PNCK: variants seen among roughly 807,000 people sequenced by gnomAD.
PNCK encodes pregnancy up-regulated nonubiquitous CaM kinase, also known as calcium/calmodulin-dependent protein kinase type 1B.
A neutral mutation model predicts 28.3 loss-of-function variants in PNCK; 21 were observed. The ratio of observed to expected loss-of-function variants is 0.74; its 90% confidence interval spans 0.53 to 1.07. PNCK has a LOEUF of 1.07. PNCK is among the 50% of genes least tolerant of loss of function. PNCK has a pLI of 0.00. For missense variants in PNCK, 250 were observed against 298.3 expected, an observed-to-expected ratio of 0.84 and a Z score of 1.19; for synonymous variants, 136 against 125.2, an observed-to-expected ratio of 1.09 and a Z score of -0.58.
At chrX:153,672,239 A>G (rs2091312741) in intron 3 of PNCK, 39 bp from the exon 4 acceptor site, 2 of 1,155,320 alleles carry the variant, frequency 1.7e-6, no homozygotes, top group Non-Finnish European at 2.3e-6. Flanking sequence ...CAACAGAGTC[A>G]AGGGGTGCTC....
At chrX:153,686,717 T>G (rs1465401026) in intron 1 of PNCK, 1 of 111,743 alleles carries the variant, frequency 8.9e-6, no homozygotes, top group Non-Finnish European at 1.9e-5. Context: ...AGTGTGACCT[T>G]GCCACCTCAG....
chrX:153,674,239 C>T (rs907744513), upstream of PNCK: 11 of 1,150,345 alleles, frequency 9.6e-6, no homozygotes, highest in Non-Finnish European at 1.3e-5. Context: ...CCGGCACTCA[C>T]TGGGCTCCCT....
chrX:153,673,995 G>A, upstream of PNCK: 3 of 1,165,823 alleles, frequency 2.6e-6, no homozygotes, highest in Middle Eastern at 6.0e-4. Context: ...CTGCTCGCTC[G>A]CGCCGCCTCC....
At chrX:153,685,649 G>C (rs2091415855) in intron 1 of PNCK, among the ~76,000 whole-genome samples, 2 of 112,945 alleles carry the variant, frequency 1.8e-5, no homozygotes, top group Admixed American at 9.2e-5. Flanking sequence ...CCCGAGGCTG[G>C]GAGGGCACAG....
intron 9 of PNCK, 40 bp downstream of exon 9, chrX:153,670,878 C>A (rs367991261): frequency 1.7e-6 from 2 of 1,210,736 alleles, no homozygotes. Flanking sequence ...CAAATGCAGG[C>A]CCCCTGGCCC....
chrX:153,673,179 C>A, intron 1 of PNCK, 101 bp from the exon 2 acceptor site: 2 of 1,180,891 alleles, frequency 1.7e-6, no homozygotes, highest in Non-Finnish European at 2.3e-6. Context: ...TCAGCCATTG[C>A]CGCTGCGCGC....
At chrX:153,673,343 C>G in intron 1 of PNCK, 1 of 1,120,371 alleles carries the variant, frequency 8.9e-7, no homozygotes, top group Admixed American at 2.9e-5. Flanking sequence ...GATGCTGCCT[C>G]TCTGCCTCCA....
chrX:153,685,678 C>A (rs1336204474), intron 1 of PNCK, among the ~76,000 whole-genome samples: 2 of 112,904 alleles, frequency 1.8e-5, no homozygotes, highest in African/African-American at 3.2e-5. Context: ...CACTCCATCT[C>A]GTAGTCTTGG....
intron 3 of PNCK, 46 bp from the exon 4 acceptor site, chrX:153,672,246 G>A: frequency 8.8e-7 from 1 of 1,134,392 alleles, no homozygotes; most frequent in Non-Finnish European, 1.2e-6. Flanking sequence ...GTCAAGGGGT[G>A]CTCTGTCCTG....
intron 2 of PNCK, 97 bp downstream of exon 2, chrX:153,672,912 C>T (rs1229065439): frequency 6.9e-6 from 7 of 1,013,382 alleles, no homozygotes; most frequent in Middle Eastern, 5.1e-4. Context: ...CATCATCTCA[C>T]ACCCACTCGC....
At chrX:153,686,628 C>T (rs141508104) in intron 1 of PNCK, 1 of 112,505 alleles carries the variant, frequency 8.9e-6, no homozygotes, top group Non-Finnish European at 1.9e-5. Context: ...TGAGTCACTT[C>T]TCTAATGCCC....
intron 5 of PNCK, 58 bp from the exon 6 acceptor site, chrX:153,671,730 G>C: frequency 8.6e-7 from 1 of 1,164,971 alleles, no homozygotes; most frequent in South Asian, 2.0e-5. Context: ...TGCCGGTGCT[G>C]GGACAGGATG....
upstream of PNCK, among the ~76,000 whole-genome samples, chrX:153,676,356 T>C (rs908743592): frequency 1.2e-4 from 13 of 111,640 alleles, no homozygotes; most frequent in African/African-American, 3.6e-4. Flanking sequence ...TCCATTACTT[T>C]TATCTATTTT....
chrX:153,682,011 CAG>C (rs781930342), intron 1 of PNCK, among the ~76,000 whole-genome samples: 6 of 112,095 alleles, frequency 5.4e-5, no homozygotes, highest in South Asian at 3.7e-4. Flanking sequence ...TTGTTTGAGA[CAG>C]AGTCTTGCTC....
chrX:153,673,049 C>T lies in PNCK; in HGVS notation c.28G>A (p.Asp10Asn), dbSNP rs2091329765. ...CGGATCTCGTAGACGCTGCTGATGT[C>T]CTCCGTGTGTTTCTTCAGCAGCAGC... MLLLKKHTE[D>N]ISSVYEIRER... The change falls in exon 2 of 12, where the codon GAC becomes AAC. Residue 10 changes from aspartate to asparagine, a missense_variant. By Grantham distance (23) the Asp-to-Asn change is conservative. Coordinates refer to ENST00000340888, the MANE Select transcript of PNCK (RefSeq NM_001366977.1). 5 of 1,199,872 alleles carry T rather than the reference C, an allele frequency of 4.2e-6. No individual in the cohort carries two copies. The highest frequency in any genetic ancestry group is 4.5e-6 in the Non-Finnish European group (4 of 887,749).
At chrX:153,680,282 G>A (rs1372639619) in intron 1 of PNCK, among the ~76,000 whole-genome samples, 1 of 106,199 alleles carries the variant, frequency 9.4e-6, no homozygotes, top group Non-Finnish European at 1.9e-5. Flanking sequence ...CATGAATGGC[G>A]TGGTGCCGTC....
upstream of PNCK, among the ~76,000 whole-genome samples, chrX:153,679,242 G>A (rs1382514525): frequency 9.0e-6 from 1 of 110,751 alleles, no homozygotes; most frequent in Admixed American, 9.8e-5. Context: ...CTTAGCTTCG[G>A]AAGGAACTGC....
intron 1 of PNCK, among the ~76,000 whole-genome samples, chrX:153,683,741 G>A (rs2091405377): frequency 9.0e-6 from 1 of 111,384 alleles, no homozygotes; most frequent in South Asian, 3.8e-4. Flanking sequence ...GGGGGCTAGG[G>A]AATGGGTGCT....
At chrX:153,677,678 GTATA>G (rs1447888811), upstream of PNCK, among the ~76,000 whole-genome samples, 3 of 79,873 alleles carry the variant, frequency 3.8e-5, no homozygotes, top group Admixed American at 1.3e-4. Context: ...TATATAGTGT[GTATA>G]TATAGTGTAT....
Sources: gnomAD v4.1 joint callset for allele counts (sites outside exome capture counted in the v4.1 genomes callset) on GRCh38, gnomAD v4.1.1 for gene constraint, MANE v1.5 for transcripts, NCBI Gene and HGNC (gene_info 2026-07-23, HGNC 2026-07-21) for gene names.